Variants in SV2C observed in about 807,000 individuals in gnomAD.
SV2C encodes solute carrier family 22 member B3.
Under a neutral mutation model 79.7 loss-of-function variants are expected in SV2C, and 49 were observed. The observed-to-expected ratio is 0.61, with a 90% CI of 0.49 to 0.78. The LOEUF (loss-of-function observed/expected upper bound fraction) is 0.78. Among genes scored for constraint, SV2C ranks in the 30% least tolerant of loss-of-function variants. The pLI is 0.00. For synonymous variants in SV2C, 334 were observed against 333.2 expected (o/e 1.00, Z -0.03); for missense variants, 833 against 912.9 (o/e 0.91, Z 1.13).
At chr5:76,244,290 T>C (rs4703703) in intron 4 of SV2C, among the ~76,000 whole-genome samples, 37,560 of 152,156 alleles carry the variant, frequency 0.25, 5,735 homozygotes, top group South Asian at 0.47. Flanking sequence ...TCTTGCTTAA[T>C]TGACAAATGA....
At chr5:76,263,313 G>C (rs1358678846) in intron 4 of SV2C, among the ~76,000 whole-genome samples, 1 of 151,642 alleles carries the variant, frequency 6.6e-6, no homozygotes, top group Non-Finnish European at 1.5e-5. Context: ...TCCATCATCT[G>C]CTTGGTAAAT....
At chr5:76,296,151 C>T (rs1242655271) in intron 9 of SV2C, 3 of 376,216 alleles carry the variant, frequency 8.0e-6, no homozygotes, top group African/African-American at 2.1e-5. Context: ...ACTATTTTTG[C>T]AGCTAAGTTG....
At chr5:75,959,565 C>A in the SV2C span, among the ~76,000 whole-genome samples, 164 of 152,126 alleles carry the variant, frequency 1.1e-3, 7 homozygotes, top group South Asian at 0.034. Flanking sequence ...AAAACACATG[C>A]ACATGTGTGC....
chr5:76,300,428 A>G (rs1348044442), intron 10 of SV2C, among the ~76,000 whole-genome samples: 1 of 152,192 alleles, frequency 6.6e-6, no homozygotes, highest in Non-Finnish European at 1.5e-5. Flanking sequence ...GTAAAGGAGT[A>G]AGCAAGTAAT....
the SV2C span, among the ~76,000 whole-genome samples, chr5:75,986,238 A>G: frequency 2.0e-5 from 3 of 151,620 alleles, no homozygotes; most frequent in Non-Finnish European, 4.4e-5. Flanking sequence ...GGATCTTGAG[A>G]TGGGGAGATA....
the SV2C span, among the ~76,000 whole-genome samples, chr5:75,953,276 C>A: frequency 0.26 from 38,909 of 151,886 alleles, 6,168 homozygotes; most frequent in Non-Finnish European, 0.37. Context: ...AGGCATGAGG[C>A]ATCTGCTTCC....
At chr5:76,342,190 TG>T (rs1338029126) in intron 12 of SV2C, among the ~76,000 whole-genome samples, 13 of 152,268 alleles carry the variant, frequency 8.5e-5, no homozygotes, top group Non-Finnish European at 1.5e-4. Context: ...CTGCAGGCCG[TG>T]AGTACACAGT....
At chr5:76,221,257 C>T (rs953437533) in intron 4 of SV2C, among the ~76,000 whole-genome samples, 1 of 152,146 alleles carries the variant, frequency 6.6e-6, no homozygotes, top group Non-Finnish European at 1.5e-5. Flanking sequence ...CAGAAAACAG[C>T]AGAAGACAAA....
chr5:76,131,872 A>C lies in SV2C; in HGVS notation c.122A>C (p.Tyr41Ser), dbSNP rs1381293155. ...NQAVDRAQDE[Y>S]TQRSYSRFQD... ...GCTGTGGACCGAGCCCAGGATGAAT[A>C]CACCCAGAGGTCCTACAGTCGGTTC... The change falls in exon 2 of 13, where the codon TAC (tyrosine) becomes TCC (serine). Residue 41 changes from tyrosine to serine, a missense_variant. Physicochemically the swap from Tyr to Ser is moderately radical, Grantham distance 144. Transcript: ENST00000502798. The C allele has an allele frequency of 6.2e-7, 1 of 1,614,122 alleles. No individual in the cohort carries two copies. The highest frequency in any genetic ancestry group is 1.1e-5 in the South Asian group (1 of 91,074).
the SV2C span, among the ~76,000 whole-genome samples, chr5:75,966,016 A>G: frequency 6.6e-6 from 1 of 152,338 alleles, no homozygotes; most frequent in South Asian, 2.1e-4. Flanking sequence ...AAAGTAATGT[A>G]CAACTGTGGA....
downstream of SV2C, among the ~76,000 whole-genome samples, chr5:76,336,783 T>TC (rs1749338431): frequency 6.6e-6 from 1 of 152,230 alleles, no homozygotes; most frequent in African/African-American, 2.4e-5. Context: ...CTTTCCTGCT[T>TC]CATGATCAGG....
chr5:75,955,299 A>G, the SV2C span, among the ~76,000 whole-genome samples: 1 of 149,432 alleles, frequency 6.7e-6, no homozygotes, highest in Non-Finnish European at 1.5e-5. Flanking sequence ...TGGGGAAAGG[A>G]TTTCCTATTT....
the SV2C span, among the ~76,000 whole-genome samples, chr5:75,949,721 C>T: frequency 3.9e-5 from 6 of 151,992 alleles, no homozygotes; most frequent in African/African-American, 1.4e-4. Flanking sequence ...GATTGTGAGG[C>T]CTCTCCAAGC....
intron 2 of SV2C, among the ~76,000 whole-genome samples, chr5:76,141,141 C>T (rs1477675900): frequency 2.0e-5 from 3 of 152,202 alleles, no homozygotes. Context: ...TGAAAAGACT[C>T]TTCCATCCAA....
the SV2C span, among the ~76,000 whole-genome samples, chr5:76,060,072 C>A: frequency 6.6e-6 from 1 of 152,112 alleles, no homozygotes; most frequent in African/African-American, 2.4e-5. Context: ...ATTCAGTAAA[C>A]CACGCTGTAA....
chr5:76,036,164 A>G, the SV2C span, among the ~76,000 whole-genome samples: 1 of 151,860 alleles, frequency 6.6e-6, no homozygotes, highest in East Asian at 1.9e-4. Flanking sequence ...GGTTTCCTGA[A>G]TACAGCACAC....
the SV2C span, among the ~76,000 whole-genome samples, chr5:75,888,602 A>G: frequency 6.6e-6 from 1 of 152,068 alleles, no homozygotes; most frequent in Non-Finnish European, 1.5e-5. Flanking sequence ...TCAACTTAAC[A>G]GCTTTTAATA....
At chr5:76,295,420 T>A (rs536119910) in intron 8 of SV2C, among the ~76,000 whole-genome samples, 5 of 152,168 alleles carry the variant, frequency 3.3e-5, no homozygotes, top group Non-Finnish European at 5.9e-5. Flanking sequence ...CCACCTCTAA[T>A]ATTATTATAC....
At chr5:75,990,052 G>C in the SV2C span, among the ~76,000 whole-genome samples, 2 of 151,628 alleles carry the variant, frequency 1.3e-5, no homozygotes, top group East Asian at 3.9e-4. Flanking sequence ...CAGGTGAATA[G>C]ATTGCAAAAA....
Sources: gnomAD v4.1 joint callset for allele counts (sites outside exome capture counted in the v4.1 genomes callset) on GRCh38, gnomAD v4.1.1 for gene constraint, MANE v1.5 for transcripts, NCBI Gene and HGNC (gene_info 2026-07-23, HGNC 2026-07-21) for gene names.